NKAIN2: variants seen among roughly 807,000 people sequenced by gnomAD.
NKAIN2 encodes sodium/potassium-transporting ATPase subunit beta-1-interacting protein 2.
In NKAIN2, 14 loss-of-function variants were observed where a neutral mutation model predicts 32.6. That is an observed-to-expected ratio of 0.43 (90% CI 0.28 to 0.67). NKAIN2 has a LOEUF of 0.67. Among genes scored for constraint, NKAIN2 ranks in the 30% least tolerant of loss-of-function variants. The pLI is 0.17. For synonymous variants in NKAIN2, 80 were observed against 87.2 expected, an observed-to-expected ratio of 0.92 and a Z score of 0.46; for missense variants, 198 against 258.3, an observed-to-expected ratio of 0.77 and a Z score of 1.60.
At chr6:123,850,700 G>A (rs1041567330) in intron 1 of NKAIN2, among the ~76,000 whole-genome samples, 9 of 152,118 alleles carry the variant, frequency 5.9e-5, no homozygotes, top group South Asian at 2.1e-4. Flanking sequence ...GCGAATGAAC[G>A]TATGCATTAC....
intron 4 of NKAIN2, among the ~76,000 whole-genome samples, chr6:124,662,371 A>G (rs1220079094): frequency 6.6e-6 from 1 of 152,192 alleles, no homozygotes; most frequent in African/African-American, 2.4e-5. Context: ...GAAACAGTGT[A>G]CAAATGAGCA....
At chr6:124,257,626 C>T (rs1050226271) in intron 1 of NKAIN2, among the ~76,000 whole-genome samples, 9 of 152,114 alleles carry the variant, frequency 5.9e-5, no homozygotes, top group Admixed American at 5.9e-4. Flanking sequence ...ACTCTAATTT[C>T]CAGGATATAA....
chr6:123,862,869 TC>T (rs1407866814), intron 1 of NKAIN2, among the ~76,000 whole-genome samples: 1 of 152,194 alleles, frequency 6.6e-6, no homozygotes, highest in Non-Finnish European at 1.5e-5. Context: ...GTCATTTTCC[TC>T]CTACTGTACG....
intron 4 of NKAIN2, among the ~76,000 whole-genome samples, chr6:124,684,457 T>C (rs1341123034): frequency 6.6e-6 from 1 of 152,188 alleles, no homozygotes; most frequent in African/African-American, 2.4e-5. Context: ...ATAATTCTGA[T>C]GCAAATTAAA....
intron 1 of NKAIN2, among the ~76,000 whole-genome samples, chr6:124,228,682 GC>G (rs1442778387): frequency 6.6e-6 from 1 of 152,074 alleles, no homozygotes; most frequent in Non-Finnish European, 1.5e-5. Context: ...TCCTTTGTAA[GC>G]CTCTTGCATT....
chr6:124,495,383 TTTG>T (rs538949841), intron 3 of NKAIN2, among the ~76,000 whole-genome samples: 46 of 152,072 alleles, frequency 3.0e-4, no homozygotes, highest in South Asian at 8.3e-4. Flanking sequence ...GTTTGTTTGC[TTTG>T]TTGTTGTTGT....
At chr6:124,199,391 G>GGAAT (rs1790497649) in intron 1 of NKAIN2, among the ~76,000 whole-genome samples, 1 of 152,138 alleles carries the variant, frequency 6.6e-6, no homozygotes, top group African/African-American at 2.4e-5. Context: ...TTTCTCCTCT[G>GGAAT]GAATGCACAT....
intron 3 of NKAIN2, among the ~76,000 whole-genome samples, chr6:124,444,687 A>G (rs1370652602): frequency 3.3e-5 from 5 of 152,000 alleles, no homozygotes; most frequent in Admixed American, 3.3e-4. Flanking sequence ...AACATGTTAG[A>G]GCATATTAAA....
chr6:124,568,609 AATTTATC>A (rs1222227248), intron 3 of NKAIN2, among the ~76,000 whole-genome samples: 9 of 152,154 alleles, frequency 5.9e-5, no homozygotes, highest in Middle Eastern at 3.4e-3. Context: ...TGATATACTG[AATTTATC>A]ATTGTTAATA....
intron 5 of NKAIN2, among the ~76,000 whole-genome samples, chr6:124,812,884 A>G (rs1780966784): frequency 6.6e-6 from 1 of 152,104 alleles, no homozygotes; most frequent in South Asian, 2.1e-4. Context: ...TCTCAAATTC[A>G]TTGACATCTT....
At chr6:123,864,609 G>A (rs1233571880) in intron 1 of NKAIN2, among the ~76,000 whole-genome samples, 3 of 152,142 alleles carry the variant, frequency 2.0e-5, no homozygotes, top group East Asian at 3.9e-4. Context: ...GGTGACATTT[G>A]AGCAAATCTG....
At chr6:124,074,298 A>AGGT (rs1023344976) in intron 1 of NKAIN2, among the ~76,000 whole-genome samples, 8 of 152,148 alleles carry the variant, frequency 5.3e-5, no homozygotes, top group African/African-American at 9.7e-5. Context: ...GGAGGAGAGC[A>AGGT]GGTGTTCAGC....
At chr6:124,313,612 G>A (rs1240697985) in intron 2 of NKAIN2, among the ~76,000 whole-genome samples, 1 of 151,998 alleles carries the variant, frequency 6.6e-6, no homozygotes, top group Non-Finnish European at 1.5e-5. Flanking sequence ...GTGTATTGGT[G>A]ACCTTAGAGG....
intron 1 of NKAIN2, among the ~76,000 whole-genome samples, chr6:124,248,024 G>A (rs541543642): frequency 1.1e-4 from 16 of 152,018 alleles, no homozygotes; most frequent in East Asian, 1.9e-4. Flanking sequence ...CTTTAAAATC[G>A]TAGCCTTTTC....
intron 5 of NKAIN2, among the ~76,000 whole-genome samples, chr6:124,807,166 C>T (rs1241289098): frequency 6.6e-6 from 1 of 152,016 alleles, no homozygotes; most frequent in Non-Finnish European, 1.5e-5. Flanking sequence ...AACTCTCCAC[C>T]CCAAATCAAC....
chr6:123,999,241 A>G (rs1779775730), intron 1 of NKAIN2, among the ~76,000 whole-genome samples: 1 of 152,186 alleles, frequency 6.6e-6, no homozygotes, highest in Non-Finnish European at 1.5e-5. Flanking sequence ...TAGTGCCTAC[A>G]TTATTCATGA....
chr6:124,106,750 C>G (rs577514309), intron 1 of NKAIN2, among the ~76,000 whole-genome samples: 2 of 152,294 alleles, frequency 1.3e-5, no homozygotes, highest in African/African-American at 4.8e-5. Flanking sequence ...TATTTATGCT[C>G]TATCCATTCA....
intron 1 of NKAIN2, among the ~76,000 whole-genome samples, chr6:123,864,887 A>G (rs1057157708): frequency 8.5e-5 from 13 of 152,184 alleles, no homozygotes; most frequent in African/African-American, 3.1e-4. Flanking sequence ...AAAACATTAT[A>G]TCAAGCTTTA....
chr6:124,740,046 A>G (rs1382697308), intron 4 of NKAIN2, among the ~76,000 whole-genome samples: 2 of 151,738 alleles, frequency 1.3e-5, no homozygotes, highest in Admixed American at 6.6e-5. Context: ...TGGTGCTTCC[A>G]TTTGTGCACA....
Sources: gnomAD v4.1 joint callset for allele counts (sites outside exome capture counted in the v4.1 genomes callset) on GRCh38, gnomAD v4.1.1 for gene constraint, MANE v1.5 for transcripts, NCBI Gene and HGNC (gene_info 2026-07-23, HGNC 2026-07-21) for gene names.